Variants in TTC28 observed in about 807,000 individuals in gnomAD.
TTC28 encodes tetratricopeptide repeat domain 28, also known as tetratricopeptide repeat protein 28.
Under a neutral mutation model 198.0 loss-of-function variants are expected in TTC28, and 61 were observed. That is an observed-to-expected ratio of 0.31 (90% confidence interval 0.25 to 0.38). The LOEUF (loss-of-function observed/expected upper bound fraction) is 0.38. Among genes scored for constraint, TTC28 ranks in the 10% least tolerant of loss-of-function variants. TTC28 has a pLI of 1.00. For synonymous variants in TTC28, 1,171 were observed against 1,297.8 expected, an observed-to-expected ratio of 0.90 and a Z score of 2.10; for missense variants, 2,678 against 3,164.0, an observed-to-expected ratio of 0.85 and a Z score of 3.69.
At position 27,999,105 on chromosome 22, in the gene TTC28, C is replaced by G; in HGVS notation, c.4554G>C (p.Leu1518=). ...EEEAYMVSEL[L]GCQPLVGSVA... is the part of the protein sequence containing the mutation. Reference sequence around the variant, plus strand: ...CACTGCCCACTAGGGGCTGGCAGCCCAGCAGCTCGGACACCATGTAGGCCT... The same window carrying G: ...CACTGCCCACTAGGGGCTGGCAGCCGAGCAGCTCGGACACCATGTAGGCCT... Residue 1518 remains leucine, a synonymous_variant, in exon 16 of 23, where the codon CTG becomes CTC. Transcript: ENST00000397906. The G allele has an allele frequency of 1.3e-6, 2 of 1,550,604 alleles. No homozygotes were observed. Among genetic ancestry groups the G allele is most frequent in the South Asian group, 2.4e-5 (2 of 84,064 alleles).
At chr22:28,311,071 G>C (rs957862725) in intron 2 of TTC28, among the ~76,000 whole-genome samples, 3 of 152,078 alleles carry the variant, frequency 2.0e-5, no homozygotes, top group African/African-American at 7.2e-5. Context: ...GAGCCACCGT[G>C]CCTGGCCTAC....
intron 2 of TTC28, among the ~76,000 whole-genome samples, chr22:28,496,679 G>A (rs866589983): frequency 1.3e-5 from 2 of 151,810 alleles, no homozygotes; most frequent in East Asian, 1.9e-4. Flanking sequence ...AACAGGCTCC[G>A]TACTCTGCCC....
chr22:28,569,019 C>T (rs568212703), intron 2 of TTC28, among the ~76,000 whole-genome samples: 1 of 152,060 alleles, frequency 6.6e-6, no homozygotes, highest in East Asian at 1.9e-4. Context: ...TGGTGGCGCA[C>T]ACCTGTAATC....
chr22:28,306,355 T>C (rs2045145874), intron 3 of TTC28, 141 bp downstream of exon 3: 2 of 1,014,738 alleles, frequency 2.0e-6, no homozygotes, highest in Non-Finnish European at 2.8e-6. Flanking sequence ...GCAGTGATTC[T>C]TGATCTTCCT....
intron 5 of TTC28, among the ~76,000 whole-genome samples, chr22:28,182,045 AGTTT>A (rs1251939606): frequency 3.9e-5 from 6 of 151,992 alleles, no homozygotes; most frequent in African/African-American, 9.7e-5. Context: ...TAGAGAGTCG[AGTTT>A]GTTTGGGGTT....
In TTC28 at chr22:28,634,460, T is replaced by C. The variant is rs1156501741; in HGVS notation, c.103-4630A>G. Among the ~76,000 whole-genome samples, 3 of 129,362 alleles carry C rather than the reference T, an allele frequency of 2.3e-5. No homozygotes were observed. In the Admixed American group the frequency reaches 2.7e-4, roughly 12 times the overall value. The allele number at this position is 129,362 out of a possible 152,430, so 84.9% of individuals were successfully genotyped here. A position where few individuals can be genotyped will look rare whatever the true frequency, so the allele number is the denominator to read the frequency against. On this transcript the variant is annotated intron_variant, in intron 1 of 22. Transcript: ENST00000397906. ...GGGAATCGGAGGTTGCAGCGAAAGA[T>C]CGCCCCACTGCACTCCAGCCTGGCG...
At chr22:28,356,612 G>A (rs1489854394) in intron 2 of TTC28, among the ~76,000 whole-genome samples, 1 of 152,314 alleles carries the variant, frequency 6.6e-6, no homozygotes, top group African/African-American at 2.4e-5. Context: ...GACTTTCACA[G>A]GCACCCAGGA....
intron 2 of TTC28, among the ~76,000 whole-genome samples, chr22:28,557,116 GAC>G (rs1281560448): frequency 2.0e-5 from 3 of 152,226 alleles, no homozygotes; most frequent in Non-Finnish European, 4.4e-5. Flanking sequence ...CTGGTTACCA[GAC>G]ACAGTTTCAC....
In TTC28 at chr22:28,679,810, C is replaced by G. The variant is rs2052066616; in HGVS notation, c.-87G>C. On this transcript the variant is annotated 5_prime_UTR_variant, in exon 1 of 23. Coordinates refer to ENST00000397906, the MANE Select transcript of TTC28 (RefSeq NM_001145418.2). ...CCGGTTCCGCGCGCCATGTTCCCGC[C>G]GTGCTGCGCGCCGCCGCGGCGCCCC... The G allele has an allele frequency of 3.1e-6, 2 of 638,312 alleles. No individual in the cohort carries two copies. Among genetic ancestry groups the G allele is most frequent in the East Asian group, 1.3e-4 (2 of 15,996 alleles). The allele number at this position is 638,312 out of a possible 1,614,324, so 39.5% of individuals were successfully genotyped here.
chr22:28,266,990 T>C (rs573174244), intron 5 of TTC28, among the ~76,000 whole-genome samples: 1 of 152,328 alleles, frequency 6.6e-6, no homozygotes, highest in South Asian at 2.1e-4. Flanking sequence ...AACAGTCTGA[T>C]TTTAATACAG....
intron 2 of TTC28, among the ~76,000 whole-genome samples, chr22:28,405,845 T>G (rs2046990823): frequency 6.6e-6 from 1 of 152,260 alleles, no homozygotes; most frequent in Non-Finnish European, 1.5e-5. Context: ...TAGAAATTTC[T>G]GAATACACCA....
chr22:28,560,496 T>C (rs1053385970), intron 2 of TTC28, among the ~76,000 whole-genome samples: 8 of 152,150 alleles, frequency 5.3e-5, no homozygotes, highest in African/African-American at 1.7e-4. Flanking sequence ...CCTACCTCTC[T>C]GACCTCATCT....
rs555596209 is a variant in TTC28, at chr22:28,623,206, C to T, written c.381+6346G>A. On this transcript the variant is annotated intron_variant, in intron 2 of 22. Transcript: ENST00000397906. ...AGCTCAAAGAATCCTCCTGCCTCAG[C>T]CTTCCAAGGAGCTGGGACTACAGGC... 1.2e-4 allele frequency among the ~76,000 whole-genome samples: 19 copies of T among 152,230 alleles called. No homozygotes were observed. In the South Asian group the frequency reaches 3.9e-3, roughly 32 times the overall value.
At position 28,361,187 on chromosome 22, in the gene TTC28, A is replaced by G. The variant is rs552326480; in HGVS notation, c.382-54544T>C. On this transcript the variant is annotated intron_variant, in intron 2 of 22. Transcript: ENST00000397906. ...TTTAAATCAAAAGCTAGAAATGATTATGCTTAGTGAGGAAGGCAGGTCAAA... is the reference window on the plus strand; with the variant it reads ...TTTAAATCAAAAGCTAGAAATGATTGTGCTTAGTGAGGAAGGCAGGTCAAA... 2.6e-5 allele frequency among the ~76,000 whole-genome samples: 4 copies of G among 152,328 alleles called. 1 individual carries two copies. The South Asian group carries it at 8.3e-4, about 32-fold the overall frequency.
intron 2 of TTC28, among the ~76,000 whole-genome samples, chr22:28,541,962 A>T (rs1347548507): frequency 6.6e-6 from 1 of 152,026 alleles, no homozygotes; most frequent in Non-Finnish European, 1.5e-5. Context: ...AGTGGTGCAC[A>T]CCTGTGGTCC....
At position 27,990,651 on chromosome 22, in the gene TTC28, C is replaced by T. The variant is rs933162667; in HGVS notation, c.5577+138G>A. 31 of 756,620 alleles carry T rather than the reference C, an allele frequency of 4.1e-5. 1 individual carries two copies. The African/African-American group carries it at 4.8e-4, about 12-fold the overall frequency. The allele number at this position is 756,620 out of a possible 1,614,324, so 46.9% of individuals were successfully genotyped here. ...GCCGCCAGTCCAGCAGCAGTGCGCA[C>T]CCGCGGGGGCGCCGCAGCCCGTGTG... On this transcript the variant is annotated intron_variant, in intron 20 of 22. Transcript: ENST00000397906.
chr22:28,547,189 T>G (rs976384604), intron 2 of TTC28, among the ~76,000 whole-genome samples: 3 of 151,924 alleles, frequency 2.0e-5, no homozygotes, highest in Admixed American at 6.6e-5. Context: ...TTAAGATCTC[T>G]CTGCATGTGT....
At chr22:28,091,506 A>T (rs1941812703) in intron 12 of TTC28, among the ~76,000 whole-genome samples, 1 of 152,094 alleles carries the variant, frequency 6.6e-6, no homozygotes, top group Non-Finnish European at 1.5e-5. Context: ...TACCTTTATA[A>T]TCTTGGTGGC....
At chr22:28,422,265 A>G in intron 2 of TTC28, among the ~76,000 whole-genome samples, 1 of 152,156 alleles carries the variant, frequency 6.6e-6, no homozygotes, top group East Asian at 1.9e-4. Flanking sequence ...TGGCTTTGAC[A>G]AGGAGTAAGG....
Sources: gnomAD v4.1 joint callset for allele counts (sites outside exome capture counted in the v4.1 genomes callset) on GRCh38, gnomAD v4.1.1 for gene constraint, MANE v1.5 for transcripts, NCBI Gene and HGNC (gene_info 2026-07-23, HGNC 2026-07-21) for gene names.